CYB561: variants seen among roughly 807,000 people sequenced by gnomAD.
CYB561 encodes the protein transmembrane ascorbate-dependent reductase CYB561.
Under a neutral mutation model 25.3 loss-of-function variants are expected in CYB561, and 11 were observed. The ratio of observed to expected loss-of-function variants is 0.44; its 90% confidence interval spans 0.27 to 0.72. CYB561 has a LOEUF of 0.72. Among genes scored for constraint, CYB561 ranks in the 30% least tolerant of loss-of-function variants. The pLI, the probability that CYB561 is intolerant of heterozygous loss-of-function variation, is 0.18. For synonymous variants in CYB561, 165 were observed against 158.8 expected (o/e 1.04, Z -0.29); for missense variants, 295 against 334.9 (o/e 0.88, Z 0.93).
rs1330158059 is a variant in CYB561 at position 63,437,442 on chromosome 17, C to T, written c.106G>A (p.Gly36Arg). 1.9e-6 allele frequency: 3 copies of T among 1,613,982 alleles called. No individual in the cohort carries two copies. The highest frequency in any genetic ancestry group is 1.3e-5 in the African/African-American group (1 of 75,064). The change falls in exon 2 of 6, where the codon GGG becomes AGG. Residue 36 changes from glycine to arginine, a missense_variant. Physicochemically the swap from Gly to Arg is moderately radical, Grantham distance 125. Transcript: ENST00000360793. The part of the protein sequence containing the change: ...TLVAMTGAWL[G>R]LYRGGIAWES... ...CAGGCAATGCCGCCTCGGTACAGCC[C>T]GAGCCACGCGCCGGTCATGGCCACC...
intron 1 of CYB561, chr17:63,437,985 C>A: frequency 1.1e-6 from 1 of 905,524 alleles, no homozygotes; most frequent in Non-Finnish European, 1.6e-6. Context: ...GCCACCCTCC[C>A]CCGAGGCTCC....
rs369528961 is a variant in CYB561, at chr17:63,434,497, G to A, written c.661C>T (p.Arg221Trp). ...TGGGAAGGCCGCTTCCAGTCGGCCC[G>A]GGTCAAGATGTAGAGCACCGCCCCA... ...FGGAVLYILT[R>W]ADWKRPSQAE... Residue 221 changes from arginine to tryptophan, a missense_variant, in exon 6 of 6, where the codon CGG becomes TGG. Coordinates refer to ENST00000360793, the MANE Select transcript of CYB561 (RefSeq NM_001915.4). The A allele has an allele frequency of 4.6e-5, 75 of 1,613,106 alleles. No homozygotes were observed. Among genetic ancestry groups the A allele is most frequent in the Non-Finnish European group, 5.5e-5 (65 of 1,179,792 alleles).
Position 63,437,452 on chromosome 17 carries a change from G to A in CYB561, c.96C>T (p.Gly32=). The part of the protein sequence containing the change: ...LLGLTLVAMT[G]AWLGLYRGGI... ...CGCCTCGGTACAGCCCGAGCCACGC[G>A]CCGGTCATGGCCACCAAGGTCAGGC... Residue 32 remains glycine, a synonymous_variant, in exon 2 of 6, where the codon GGC becomes GGT. Transcript: ENST00000360793. The A allele has an allele frequency of 6.2e-7, 1 of 1,613,926 alleles. No homozygotes were observed. Among genetic ancestry groups the A allele is most frequent in the Non-Finnish European group, 8.5e-7 (1 of 1,179,966 alleles).
intron 1 of CYB561, 122 bp from the exon 2 acceptor site, chr17:63,437,682 A>G: frequency 1.6e-6 from 1 of 644,010 alleles, no homozygotes; most frequent in Non-Finnish European, 2.5e-6. Context: ...ACACCCCTCA[A>G]GATGCGCACA....
chr17:63,434,741 C>G (rs553472296), intron 5 of CYB561, 147 bp from the exon 6 acceptor site: 5 of 684,452 alleles, frequency 7.3e-6, no homozygotes, highest in African/African-American at 1.8e-5. Flanking sequence ...ACCATCCCCC[C>G]GCCCCCAACC....
Position 63,436,037 on chromosome 17 carries a change from C to G in CYB561, c.301+17G>C. ...GAGGCAGGCAGGTGGCGGGGAAGGCCGCGCCCGGGAACTCACCAACCAGGG... is the reference window on the plus strand; with the variant it reads ...GAGGCAGGCAGGTGGCGGGGAAGGCGGCGCCCGGGAACTCACCAACCAGGG... On this transcript the variant is annotated intron_variant, in intron 3 of 5. Transcript: ENST00000360793. The surrounding 1 kb of genome is among the most constrained non-coding windows in gnomAD (Gnocchi z 4.8). 6.2e-7 allele frequency: 1 copy of G among 1,613,908 alleles called. No individual in the cohort carries two copies.
chr17:63,435,246 A>G lies in CYB561; in HGVS notation c.406-3T>C. 6.2e-7 allele frequency: 1 copy of G among 1,613,132 alleles called. No homozygotes were observed. Among genetic ancestry groups the G allele is most frequent in the Non-Finnish European group, 8.5e-7 (1 of 1,179,556 alleles). The stretch of plus-strand genomic sequence containing the variant: ...AAGAAGCTGAAGCCCACCAGCCACT[A>G]GGATTTGAAAGGAGACGGTTCCGGG... On this transcript the variant is annotated splice_polypyrimidine_tract_variant and splice_region_variant and intron_variant, in intron 4 of 5. Transcript: ENST00000360793.
chr17:63,434,967 C>T (rs2049277745), intron 5 of CYB561, 119 bp downstream of exon 5: 2 of 1,074,138 alleles, frequency 1.9e-6, no homozygotes, highest in Non-Finnish European at 2.7e-6. Context: ...ATAACTACAG[C>T]CACCAGTTGT....
At chr17:63,442,129 G>T in intron 1 of CYB561, among the ~76,000 whole-genome samples, 1 of 152,346 alleles carries the variant, frequency 6.6e-6, no homozygotes, top group Non-Finnish European at 1.5e-5. Context: ...TAAGTGTAAG[G>T]ATGAAAGGAA....
chr17:63,443,628 A>AT (rs913616845), intron 1 of CYB561, among the ~76,000 whole-genome samples: 2 of 152,248 alleles, frequency 1.3e-5, no homozygotes, highest in South Asian at 4.1e-4. Flanking sequence ...ATTTTAATTA[A>AT]TTTTTTTGTT....
intron 1 of CYB561, among the ~76,000 whole-genome samples, chr17:63,438,489 G>GCCGC (rs2049340674): frequency 7.6e-6 from 1 of 132,448 alleles, no homozygotes; most frequent in Non-Finnish European, 1.6e-5. Context: ...TCCCCGCCCG[G>GCCGC]CCGCGCCTGC....
rs1040388978 is a variant in CYB561, at chr17:63,433,596, A to G, written c.*806T>C. The stretch of plus-strand genomic sequence containing the variant: ...AGCCTGGGTGAGCCTGGGAGAGGAA[A>G]CCAGAGCTGAGCCGCAAGGGGGGTG... On this transcript the variant is annotated 3_prime_UTR_variant, in exon 6 of 6. Coordinates refer to ENST00000360793, the MANE Select transcript of CYB561 (RefSeq NM_001915.4). 4.7e-5 allele frequency: 18 copies of G among 385,708 alleles called. No homozygotes were observed. Among genetic ancestry groups the G allele is most frequent in the Admixed American group, 9.0e-5 (2 of 22,286 alleles). The allele number at this position is 385,708 out of a possible 1,614,324, so 23.9% of individuals were successfully genotyped here. A position where few individuals can be genotyped will look rare whatever the true frequency, so the allele number is the denominator to read the frequency against.
chr17:63,438,126 G>C, intron 1 of CYB561: 1 of 1,534,908 alleles, frequency 6.5e-7, no homozygotes. Context: ...CGTGACCTGG[G>C]ACACGACGCC....
At chr17:63,439,829 G>A (rs577782715) in intron 1 of CYB561, among the ~76,000 whole-genome samples, 1 of 152,120 alleles carries the variant, frequency 6.6e-6, no homozygotes, top group African/African-American at 2.4e-5. Context: ...GCATTGCACG[G>A]CCATTTTTTA....
intron 1 of CYB561, chr17:63,442,956 C>A (rs948408944): frequency 6.6e-6 from 1 of 152,322 alleles, no homozygotes; most frequent in Admixed American, 6.5e-5. Flanking sequence ...GGGCGGAAGG[C>A]GGAGCAGGGG....
Position 63,432,520 on chromosome 17 carries a change from T to TAG in CYB561, c.*1880_*1881dup, listed in dbSNP as rs938913631. The TAG allele has an allele frequency of 6.6e-6, 1 of 152,216 alleles. No homozygotes were observed. The highest frequency in any genetic ancestry group is 6.5e-5 in the Admixed American group (1 of 15,282). The allele number at this position is 152,216 out of a possible 1,614,324, so 9.4% of individuals were successfully genotyped here. ...CCATTTCTCTCTGTAGCATTCCGGC[T>TAG]AGAGAGAGACACGATTGTACTTTGG... On this transcript the variant is annotated 3_prime_UTR_variant, in exon 6 of 6. Coordinates refer to ENST00000360793, the MANE Select transcript of CYB561 (RefSeq NM_001915.4).
intron 1 of CYB561, among the ~76,000 whole-genome samples, chr17:63,441,289 TG>T (rs1249718023): frequency 2.0e-5 from 3 of 152,264 alleles, no homozygotes; most frequent in African/African-American, 4.8e-5. Context: ...ACCTGCTCTG[TG>T]CTGGGCACTT....
chr17:63,435,288 C>A, intron 4 of CYB561, 45 bp from the exon 5 acceptor site: 1 of 1,595,184 alleles, frequency 6.3e-7, no homozygotes, highest in Non-Finnish European at 8.5e-7. Flanking sequence ...CGGCCGGACA[C>A]CCCAGCAGCC....
At chr17:63,444,806 T>C (rs577574878) in intron 1 of CYB561, among the ~76,000 whole-genome samples, 20 of 152,358 alleles carry the variant, frequency 1.3e-4, no homozygotes, top group African/African-American at 4.8e-4. Flanking sequence ...CAATGCCATC[T>C]AATGCCACTG....
Sources: gnomAD v4.1 joint callset for allele counts (sites outside exome capture counted in the v4.1 genomes callset) on GRCh38, gnomAD v4.1.1 for gene constraint, Gnocchi (gnomAD v3.1) non-coding constraint, MANE v1.5 for transcripts, NCBI Gene and HGNC (gene_info 2026-07-23, HGNC 2026-07-21) for gene names.